NEGR1: variants seen among roughly 807,000 people sequenced by gnomAD.
NEGR1 encodes the protein neuronal growth regulator 1.
NEGR1 carries 10 observed loss-of-function variants against 40.9 expected under a neutral mutation model. The observed-to-expected ratio is 0.24, with a 90% confidence interval of 0.15 to 0.42. The LOEUF (loss-of-function observed/expected upper bound fraction) is 0.42, where lower values mean the gene tolerates loss of function less well. Among genes scored for constraint, NEGR1 ranks in the 10% least tolerant of loss-of-function variants. NEGR1 has a pLI of 1.00. For synonymous variants in NEGR1, 185 were observed against 166.8 expected (o/e 1.11, Z -0.84); for missense variants, 352 against 438.9 (o/e 0.80, Z 1.77).
chr1:71,994,375 AAAAT>A (rs974788857), intron 1 of NEGR1, among the ~76,000 whole-genome samples: 1 of 151,950 alleles, frequency 6.6e-6, no homozygotes, highest in African/African-American at 2.4e-5. Context: ...AAAATTACAA[AAAAT>A]TAGCCGGGCG....
intron 1 of NEGR1, among the ~76,000 whole-genome samples, chr1:72,071,057 C>T (rs753505348): frequency 2.6e-4 from 39 of 151,800 alleles, no homozygotes; most frequent in Admixed American, 2.0e-4. Context: ...TAGAGAACAG[C>T]ACCTAAAAAT....
chr1:71,452,826 A>T (rs76185166), intron 6 of NEGR1, among the ~76,000 whole-genome samples: 1 of 145,476 alleles, frequency 6.9e-6, no homozygotes, highest in African/African-American at 2.5e-5. Flanking sequence ...CAAAAAAAAA[A>T]CACAACAGAT....
At chr1:71,501,604 G>T (rs1173038960) in intron 6 of NEGR1, among the ~76,000 whole-genome samples, 3 of 152,058 alleles carry the variant, frequency 2.0e-5, no homozygotes, top group Non-Finnish European at 4.4e-5. Context: ...ATTTCTATGG[G>T]CCCTGTGAAA....
intron 1 of NEGR1, among the ~76,000 whole-genome samples, chr1:72,021,336 C>T (rs909867144): frequency 5.3e-5 from 8 of 151,868 alleles, no homozygotes; most frequent in African/African-American, 7.3e-5. Flanking sequence ...TGAATATTCA[C>T]GCACTAAGTA....
At chr1:72,081,698 A>C (rs1193153696) in intron 1 of NEGR1, among the ~76,000 whole-genome samples, 3 of 152,042 alleles carry the variant, frequency 2.0e-5, no homozygotes, top group Admixed American at 2.0e-4. Context: ...TAGATGAAAA[A>C]ACTGAGGCCT....
At position 72,203,172 on chromosome 1, in the gene NEGR1, TAGAC is replaced by T. The variant is rs1653275665; in HGVS notation, c.176+79143_176+79146del. Among the ~76,000 whole-genome samples the T allele has an allele frequency of 2.0e-5, 3 of 152,230 alleles. No homozygotes were observed. In the South Asian group the frequency reaches 6.2e-4, roughly 31 times the overall value. ...ACATTTTGCAAGGCTATAGATGTCA[TAGAC>T]AGTGATTCCACTGATGGATCTGAGT... On this transcript the variant is annotated intron_variant, in intron 1 of 6. Coordinates refer to ENST00000357731, the MANE Select transcript of NEGR1 (RefSeq NM_173808.3).
At chr1:72,242,123 AT>A (rs1654764944) in intron 1 of NEGR1, among the ~76,000 whole-genome samples, 2 of 151,888 alleles carry the variant, frequency 1.3e-5, no homozygotes, top group South Asian at 4.1e-4. Flanking sequence ...ATCATAGAAT[AT>A]CCTTGATGCT....
At chr1:71,674,566 T>A (rs556313492) in intron 4 of NEGR1, among the ~76,000 whole-genome samples, 3 of 146,228 alleles carry the variant, frequency 2.1e-5, no homozygotes, top group Non-Finnish European at 4.5e-5. Flanking sequence ...CGAAATACTC[T>A]GCAGGCTTTT....
At chr1:71,733,898 G>T (rs1287261551) in intron 3 of NEGR1, among the ~76,000 whole-genome samples, 2 of 152,116 alleles carry the variant, frequency 1.3e-5, no homozygotes, top group Admixed American at 1.3e-4. Context: ...CTTGTTCATT[G>T]ATTTCAACCA....
intron 1 of NEGR1, among the ~76,000 whole-genome samples, chr1:71,973,264 C>G (rs1366644718): frequency 6.7e-6 from 1 of 150,064 alleles, no homozygotes; most frequent in African/African-American, 2.5e-5. Context: ...TGCAGTGAGC[C>G]GAGATCGCGC....
intron 1 of NEGR1, 25 bp from the exon 2 acceptor site, chr1:71,935,336 C>A: frequency 1.4e-6 from 2 of 1,440,170 alleles, no homozygotes; most frequent in Non-Finnish European, 2.0e-6. Flanking sequence ...AGATACAACA[C>A]TATTAATCAA....
chr1:71,909,962 C>G (rs540936262), intron 2 of NEGR1, among the ~76,000 whole-genome samples: 2 of 152,204 alleles, frequency 1.3e-5, no homozygotes, highest in African/African-American at 4.8e-5. Context: ...CAGATTCAAT[C>G]CAGTCTATCA....
chr1:72,050,579 C>T (rs896550645), intron 1 of NEGR1, among the ~76,000 whole-genome samples: 2 of 151,166 alleles, frequency 1.3e-5, no homozygotes, highest in Admixed American at 6.6e-5. Context: ...CATGGTTGAC[C>T]CTTCTATATA....
At chr1:72,129,847 CTTCAAAATAAA>C (rs1650176465) in intron 1 of NEGR1, among the ~76,000 whole-genome samples, 1 of 152,094 alleles carries the variant, frequency 6.6e-6, no homozygotes, top group African/African-American at 2.4e-5. Flanking sequence ...TCACATCTGC[CTTCAAAATAAA>C]TTCAAAATAC....
chr1:71,775,808 A>G (rs1656483965), intron 3 of NEGR1, among the ~76,000 whole-genome samples: 1 of 151,816 alleles, frequency 6.6e-6, no homozygotes. Flanking sequence ...CCTGGCCAAC[A>G]TGGTAAACCC....
intron 2 of NEGR1, among the ~76,000 whole-genome samples, chr1:71,870,868 G>A (rs1271966652): frequency 6.6e-6 from 1 of 152,168 alleles, no homozygotes; most frequent in East Asian, 1.9e-4. Context: ...ACACTGCAGA[G>A]CCAACATACA....
chr1:71,628,893 A>G (rs1265011208), intron 4 of NEGR1, among the ~76,000 whole-genome samples: 4 of 152,108 alleles, frequency 2.6e-5, no homozygotes, highest in African/African-American at 9.7e-5. Context: ...ATGTGTCTTT[A>G]TAGCAGAATG....
intron 1 of NEGR1, among the ~76,000 whole-genome samples, chr1:72,067,591 C>T: frequency 6.6e-6 from 1 of 152,070 alleles, no homozygotes; most frequent in Non-Finnish European, 1.5e-5. Flanking sequence ...TGTAGTTTTA[C>T]ACTGAGTAAC....
chr1:71,630,071 G>A (rs1013759585), intron 4 of NEGR1, among the ~76,000 whole-genome samples: 2 of 151,810 alleles, frequency 1.3e-5, no homozygotes, highest in African/African-American at 2.4e-5. Context: ...CCCTGAAAAT[G>A]TTCTACCTTC....
Sources: allele counts gnomAD v4.1 joint callset (sites outside exome capture counted in the v4.1 genomes callset), GRCh38; gene constraint gnomAD v4.1.1; transcripts MANE v1.5; gene names NCBI Gene and HGNC (gene_info 2026-07-23, HGNC 2026-07-21).